The following TGFB3 variants were observed in gnomAD, a reference collection of about 807,000 sequenced individuals.
The protein encoded by TGFB3 is transforming growth factor beta 3.
A neutral mutation model predicts 40.1 loss-of-function variants in TGFB3; 5 were observed. That is an observed-to-expected ratio of 0.12 (90% confidence interval 0.07 to 0.26). The LOEUF (loss-of-function observed/expected upper bound fraction) is 0.26. Among genes scored for constraint, TGFB3 ranks in the 10% least tolerant of loss-of-function variants. TGFB3 has a pLI of 1.00. For synonymous variants in TGFB3, 184 were observed against 205.6 expected (o/e 0.89, Z 0.90); for missense variants, 373 against 530.1 (o/e 0.70, Z 2.91).
chr14:75,967,545 A>G (rs2035234239), intron 3 of TGFB3, among the ~76,000 whole-genome samples: 1 of 152,154 alleles, frequency 6.6e-6, no homozygotes. Context: ...AGTGAGTTCC[A>G]TGATTCTGTG....
At position 75,971,174 on chromosome 14, in the gene TGFB3, G is replaced by T; in HGVS notation, c.598C>A (p.Leu200Met). ...ACAGTGTCAGTGACATCAAAGGACA[G>T]CCACTCGGCAGTGCCCCGTGTGGGC... ...NLPTRGTAEW[L>M]SFDVTDTVRE... The change falls in exon 3 of 7, where the codon CTG becomes ATG. Residue 200 changes from leucine to methionine, a missense_variant. Physicochemically the swap from Leu to Met is conservative, Grantham distance 15 (BLOSUM62 2). Transcript: ENST00000238682. This position sits in a 1 kb window ranked among gnomAD's most constrained non-coding sequence, Gnocchi z 4.5. 6.2e-7 allele frequency: 1 copy of T among 1,614,164 alleles called. No homozygotes were observed. The highest frequency in any genetic ancestry group is 8.5e-7 in the Non-Finnish European group (1 of 1,180,034).
At position 75,980,465 on chromosome 14, in the gene TGFB3, T is replaced by G. The variant is rs535112759; in HGVS notation, c.352+77A>C. ...GGGCACCCTGCTGTGTGGCCAGCACTAGGCCCCCCTCTGCAGAGCTCCCAG... is the reference window on the plus strand; with the variant it reads ...GGGCACCCTGCTGTGTGGCCAGCACGAGGCCCCCCTCTGCAGAGCTCCCAG... On this transcript the variant is annotated intron_variant, in intron 1 of 6. Coordinates refer to ENST00000238682, the MANE Select transcript of TGFB3 (RefSeq NM_003239.5). This position sits in a 1 kb window ranked among gnomAD's most constrained non-coding sequence, Gnocchi z 4.3. 28 of 1,454,424 alleles carry G rather than the reference T, an allele frequency of 1.9e-5. No homozygotes were observed. In the South Asian group the frequency reaches 2.6e-4, roughly 14 times the overall value. The allele number at this position is 1,454,424 out of a possible 1,614,324, so 90.1% of individuals were successfully genotyped here.
chr14:75,982,195 C>T (rs1296002347), upstream of TGFB3, among the ~76,000 whole-genome samples: 6 of 152,192 alleles, frequency 3.9e-5, no homozygotes, highest in Admixed American at 1.3e-4. This position sits in a 1 kb window ranked among gnomAD's most constrained non-coding sequence, Gnocchi z 4.0. Context: ...ACTTTTTTTC[C>T]CCTCTTGGAA....
At position 75,971,295 on chromosome 14, in the gene TGFB3, C is replaced by G. The variant is rs201310311; in HGVS notation, c.517-40G>C. The G allele has an allele frequency of 3.1e-5, 50 of 1,613,540 alleles. No individual in the cohort carries two copies. The highest frequency in any genetic ancestry group is 1.7e-4 in the Middle Eastern group (1 of 6,048). ...AAGGAGTGAGTACCCGAGACCAGGACAGAGTGCCCCAGAAGATGTCACAAT... is the reference window on the plus strand; with the variant it reads ...AAGGAGTGAGTACCCGAGACCAGGAGAGAGTGCCCCAGAAGATGTCACAAT... On this transcript the variant is annotated intron_variant, in intron 2 of 6. Transcript: ENST00000238682. The surrounding 1 kb of genome is among the most constrained non-coding windows in gnomAD (Gnocchi z 4.5).
rs533742373 is a variant in TGFB3 at position 75,959,440 on chromosome 14, A to T, written c.1081-95T>A. The T allele has an allele frequency of 2.7e-6, 4 of 1,498,082 alleles. No individual in the cohort carries two copies. In the African/African-American group the frequency reaches 5.5e-5, roughly 21 times the overall value. 92.8% of individuals were successfully genotyped at this position (1,498,082 alleles called of 1,614,324 possible). ...GTTCCAGGGGCAGTCCCAGAAGCTG[A>T]GCAAGTGCTAGAATGGCCACGGGTG... On this transcript the variant is annotated intron_variant, in intron 6 of 6. Coordinates refer to ENST00000238682, the MANE Select transcript of TGFB3 (RefSeq NM_003239.5).
chr14:75,959,981 C>G (rs1171205228), intron 6 of TGFB3, among the ~76,000 whole-genome samples: 1 of 104,960 alleles, frequency 9.5e-6, no homozygotes, highest in Non-Finnish European at 1.7e-5. Flanking sequence ...CTCACTCTTT[C>G]ACCCAGGCTG....
chr14:75,981,854 C>T lies in TGFB3; in HGVS notation c.-961G>A, dbSNP rs1003535965. 5.2e-5 allele frequency: 8 copies of T among 152,476 alleles called. No homozygotes were observed. The highest frequency in any genetic ancestry group is 1.9e-4 in the African/African-American group (8 of 41,558). The allele number at this position is 152,476 out of a possible 1,614,324, so 9.4% of individuals were successfully genotyped here. The stretch of plus-strand genomic sequence containing the variant: ...AAGCTGTTATTCCTTCTCTCGCACG[C>T]CTCTTCCCCTGTCTCTGCCTCTCTC... On this transcript the variant is annotated 5_prime_UTR_variant, in exon 1 of 7. Coordinates refer to ENST00000238682, the MANE Select transcript of TGFB3 (RefSeq NM_003239.5). This position sits in a 1 kb window ranked among gnomAD's most constrained non-coding sequence, Gnocchi z 4.7.
chr14:75,976,402 A>G (rs964907024), intron 1 of TGFB3, among the ~76,000 whole-genome samples: 2 of 152,342 alleles, frequency 1.3e-5, no homozygotes, highest in African/African-American at 2.4e-5. Context: ...AAAGGGCACC[A>G]TGGCTTCTAG....
intron 6 of TGFB3, among the ~76,000 whole-genome samples, chr14:75,960,044 G>A (rs2035136500): frequency 7.6e-6 from 1 of 131,160 alleles, no homozygotes; most frequent in South Asian, 2.6e-4. Context: ...CTGGGTTCAA[G>A]CGATTCTCCT....
At position 75,963,297 on chromosome 14, in the gene TGFB3, C is replaced by G; in HGVS notation, c.926+19G>C. 6.2e-7 allele frequency: 1 copy of G among 1,613,886 alleles called. No homozygotes were observed. Among genetic ancestry groups the G allele is most frequent in the South Asian group, 1.1e-5 (1 of 91,068 alleles). On this transcript the variant is annotated intron_variant, in intron 5 of 6. Coordinates refer to ENST00000238682, the MANE Select transcript of TGFB3 (RefSeq NM_003239.5). ...TAGGCAGGCAGTAGATGTTGGTTCC[C>G]ATGTGGGCCCAGTCTCACCGGAAGC...
intron 5 of TGFB3, 129 bp from the exon 6 acceptor site, chr14:75,961,205 G>A: frequency 9.4e-7 from 1 of 1,062,246 alleles, no homozygotes; most frequent in Non-Finnish European, 1.4e-6. Context: ...TGGAATCCCA[G>A]GTTCAAGGGC....
Position 75,978,056 on chromosome 14 carries a change from T to C in TGFB3, c.352+2486A>G, listed in dbSNP as rs900076476. Reference sequence around the variant, plus strand: ...CCCTTTCTCCTGCACTACTAAAAAGTATTTCCTCTTTCATTTTCCTCTCCA... The same window carrying C: ...CCCTTTCTCCTGCACTACTAAAAAGCATTTCCTCTTTCATTTTCCTCTCCA... On this transcript the variant is annotated intron_variant, in intron 1 of 6. Coordinates refer to ENST00000238682, the MANE Select transcript of TGFB3 (RefSeq NM_003239.5). The surrounding 1 kb of genome is among the most constrained non-coding windows in gnomAD (Gnocchi z 5.0). Among the ~76,000 whole-genome samples, 3 of 152,148 alleles carry C rather than the reference T, an allele frequency of 2.0e-5. No individual in the cohort carries two copies. The highest frequency in any genetic ancestry group is 4.4e-5 in the Non-Finnish European group (3 of 68,028).
At position 75,962,188 on chromosome 14, in the gene TGFB3, G is replaced by A. The variant is rs2035165475; in HGVS notation, c.927-1112C>T. Reference sequence around the variant, plus strand: ...TAAGCAGCCAGCCCACCCTAACCCTGCTGCTACAGGCCTCTTGTGAACAAG... The same window carrying A: ...TAAGCAGCCAGCCCACCCTAACCCTACTGCTACAGGCCTCTTGTGAACAAG... On this transcript the variant is annotated intron_variant, in intron 5 of 6. Transcript: ENST00000238682. Among the ~76,000 whole-genome samples, 3 of 152,138 alleles carry A rather than the reference G, an allele frequency of 2.0e-5. No individual in the cohort carries two copies. The South Asian group carries it at 6.2e-4, about 32-fold the overall frequency.
chr14:75,982,578 G>A (rs146047341), upstream of TGFB3, among the ~76,000 whole-genome samples: 3,919 of 152,260 alleles, frequency 0.026, 78 homozygotes, highest in Non-Finnish European at 0.038. The surrounding 1 kb of genome is among the most constrained non-coding windows in gnomAD (Gnocchi z 4.0). Flanking sequence ...AGTGAAAAAT[G>A]GTGGCGTTTT....
intron 1 of TGFB3, among the ~76,000 whole-genome samples, chr14:75,975,125 T>C (rs2300606): frequency 0.67 from 101,474 of 151,864 alleles, 35,381 homozygotes; most frequent in Non-Finnish European, 0.76. Context: ...CCCAGCACTT[T>C]GGGAGGCCGA....
chr14:75,961,951 C>G (rs2035161912), intron 5 of TGFB3, among the ~76,000 whole-genome samples: 1 of 152,198 alleles, frequency 6.6e-6, no homozygotes, highest in Non-Finnish European at 1.5e-5. Context: ...AGGGCAAGTT[C>G]TGGCAAAGAT....
In TGFB3 at chr14:75,971,501, G is replaced by A; in HGVS notation, c.516+54C>T. 2.5e-6 allele frequency: 4 copies of A among 1,609,068 alleles called. No individual in the cohort carries two copies. The highest frequency in any genetic ancestry group is 2.2e-5 in the South Asian group (2 of 90,132). ...CTGCACCCAGTGGTGCCCTGATATG[G>A]CAAAGGAACCAGCTTTCCCGTCGGT... On this transcript the variant is annotated intron_variant, in intron 2 of 6. Transcript: ENST00000238682. This position sits in a 1 kb window ranked among gnomAD's most constrained non-coding sequence, Gnocchi z 4.5.
intron 3 of TGFB3, 31 bp from the exon 4 acceptor site, chr14:75,965,726 G>T (rs374253335): frequency 1.3e-5 from 20 of 1,574,606 alleles, no homozygotes; most frequent in Admixed American, 1.7e-5. Context: ...AGTGAGAAAA[G>T]CACCTCTGTG....
At chr14:75,969,154 A>C (rs897440188) in intron 3 of TGFB3, among the ~76,000 whole-genome samples, 22 of 152,248 alleles carry the variant, frequency 1.4e-4, no homozygotes, top group African/African-American at 4.8e-4. Context: ...AACAATGTGC[A>C]GGCCAAATAG....
Sources: allele counts gnomAD v4.1 joint callset (sites outside exome capture counted in the v4.1 genomes callset), GRCh38; gene constraint gnomAD v4.1.1; non-coding constraint Gnocchi (gnomAD v3.1); transcripts MANE v1.5; gene names NCBI Gene and HGNC (gene_info 2026-07-23, HGNC 2026-07-21).